TMED10: variants seen among roughly 807,000 people sequenced by gnomAD.
The protein encoded by TMED10 is transmembrane emp24 domain-containing protein 10.
Under a neutral mutation model 23.1 loss-of-function variants are expected in TMED10, and 7 were observed. That is an observed-to-expected ratio of 0.30 (90% CI 0.17 to 0.57). The LOEUF (loss-of-function observed/expected upper bound fraction) is 0.57. TMED10 is among the 20% of genes least tolerant of loss of function. The pLI is 0.91. For synonymous variants in TMED10, 113 were observed against 106.9 expected (o/e 1.06, Z -0.35); for missense variants, 162 against 274.8 (o/e 0.59, Z 2.90).
intron 3 of TMED10, among the ~76,000 whole-genome samples, chr14:75,138,439 C>A (rs1895780046): frequency 6.6e-6 from 1 of 152,188 alleles, no homozygotes; most frequent in African/African-American, 2.4e-5. Flanking sequence ...AGTTAATGCA[C>A]AGAGCTAACT....
intron 2 of TMED10, among the ~76,000 whole-genome samples, chr14:75,148,992 CT>C (rs1829641713): frequency 6.6e-6 from 1 of 152,234 alleles, no homozygotes; most frequent in African/African-American, 2.4e-5. Context: ...TCATGGCTCA[CT>C]GTAGCCTCGA....
intron 1 of TMED10, among the ~76,000 whole-genome samples, chr14:75,154,941 G>A (rs1896004071): frequency 6.7e-6 from 1 of 149,564 alleles, no homozygotes; most frequent in African/African-American, 2.5e-5. Context: ...GGGATTACAA[G>A]TGTAAGCCAT....
chr14:75,164,074 T>A (rs946734197), intron 1 of TMED10, among the ~76,000 whole-genome samples: 1 of 145,930 alleles, frequency 6.9e-6, no homozygotes, highest in Non-Finnish European at 1.5e-5. Flanking sequence ...ATTTTCTTCC[T>A]TTTTTTTTTG....
intron 3 of TMED10, 109 bp from the exon 4 acceptor site, chr14:75,135,995 C>T: frequency 6.9e-7 from 1 of 1,452,114 alleles, no homozygotes; most frequent in South Asian, 1.3e-5. Context: ...TTTAAATTCT[C>T]TCCTATCAAT....
At chr14:75,143,358 G>A (rs1895845998) in intron 3 of TMED10, among the ~76,000 whole-genome samples, 1 of 152,060 alleles carries the variant, frequency 6.6e-6, no homozygotes, top group Non-Finnish European at 1.5e-5. Flanking sequence ...TTATAATGAA[G>A]ATTTGAATCT....
chr14:75,163,310 T>C lies in TMED10; in HGVS notation c.226-11167A>G, dbSNP rs150569634. Among the ~76,000 whole-genome samples, 905 of 151,784 alleles carry C rather than the reference T, an allele frequency of 6.0e-3. 8 individuals carry two copies. The highest frequency in any genetic ancestry group is 0.021 in the African/African-American group (871 of 41,378). ...GCTCACGCCTGTAATCCCAGCACTTTGGGAGGTTGAGGCAGGCAGATCACT... is the reference window on the plus strand; with the variant it reads ...GCTCACGCCTGTAATCCCAGCACTTCGGGAGGTTGAGGCAGGCAGATCACT... On this transcript the variant is annotated intron_variant, in intron 1 of 4. Transcript: ENST00000303575.
intron 3 of TMED10, among the ~76,000 whole-genome samples, chr14:75,137,848 A>ACT (rs1895772360): frequency 7.9e-5 from 12 of 151,964 alleles, no homozygotes; most frequent in African/African-American, 2.9e-4. Flanking sequence ...AGCTGGGATT[A>ACT]CAGGTGTGTG....
intron 1 of TMED10, among the ~76,000 whole-genome samples, chr14:75,160,778 G>A (rs1370986210): frequency 1.3e-5 from 2 of 152,200 alleles, no homozygotes; most frequent in Admixed American, 6.5e-5. Flanking sequence ...GGGCACGGTG[G>A]CTCATGCCTG....
chr14:75,135,159 A>G (rs876402), intron 4 of TMED10, among the ~76,000 whole-genome samples, 153 bp from the exon 5 acceptor site: 69,656 of 152,046 alleles, frequency 0.46, 17,052 homozygotes, highest in East Asian at 0.84. Flanking sequence ...TTTTAAGTTC[A>G]TTATCCTGGC....
chr14:75,134,835 G>A lies in TMED10; in HGVS notation c.*50C>T, dbSNP rs981588768. 7 of 1,609,948 alleles carry A rather than the reference G, an allele frequency of 4.3e-6. No homozygotes were observed. Among genetic ancestry groups the A allele is most frequent in the East Asian group, 2.2e-5 (1 of 44,742 alleles). Reference sequence around the variant, plus strand: ...TGCCTTAGGCCAGGCACGTCCCAGCGATGTTCTGCTGGCTGAGGTACAAGG... The same window carrying A: ...TGCCTTAGGCCAGGCACGTCCCAGCAATGTTCTGCTGGCTGAGGTACAAGG... On this transcript the variant is annotated 3_prime_UTR_variant, in exon 5 of 5. Transcript: ENST00000303575.
intron 3 of TMED10, 169 bp downstream of exon 3, chr14:75,147,495 A>C: frequency 2.6e-6 from 2 of 761,072 alleles, no homozygotes; most frequent in East Asian, 4.9e-5. Context: ...CGCCCGGCTA[A>C]GGCTGTTAAT....
intron 1 of TMED10, among the ~76,000 whole-genome samples, chr14:75,153,838 C>T (rs1165762444): frequency 2.2e-5 from 3 of 137,214 alleles, no homozygotes; most frequent in East Asian, 2.5e-4. Flanking sequence ...GGCGTGATCT[C>T]GGCTCTCTGC....
rs780216936 is a variant in TMED10 at position 75,134,869 on chromosome 14, G to T, written c.*16C>A. ...CTGGCTGAGGTACAAGGTGGGAGGAGAATATGCCTCATTCATTACTCAATC... is the reference window on the plus strand; with the variant it reads ...CTGGCTGAGGTACAAGGTGGGAGGATAATATGCCTCATTCATTACTCAATC... On this transcript the variant is annotated 3_prime_UTR_variant, in exon 5 of 5. Coordinates refer to ENST00000303575, the MANE Select transcript of TMED10 (RefSeq NM_006827.6). The T allele has an allele frequency of 6.2e-7, 1 of 1,613,436 alleles. No individual in the cohort carries two copies. Among genetic ancestry groups the T allele is most frequent in the Admixed American group, 1.7e-5 (1 of 59,992 alleles).
chr14:75,158,649 G>A (rs1025392938), intron 1 of TMED10, among the ~76,000 whole-genome samples: 21 of 151,886 alleles, frequency 1.4e-4, no homozygotes, highest in Non-Finnish European at 2.6e-4. Context: ...AGAGGGCCGG[G>A]TGTGGTGGCT....
intron 3 of TMED10, chr14:75,136,692 TACA>T (rs1566668448): frequency 1.3e-5 from 2 of 152,240 alleles, no homozygotes; most frequent in African/African-American, 2.4e-5. Flanking sequence ...ATATAAATCC[TACA>T]ACAACTTTAA....
chr14:75,175,606 TGGGAGGG>T (rs1178054121), intron 1 of TMED10, among the ~76,000 whole-genome samples: 2 of 38,356 alleles, frequency 5.2e-5, no homozygotes, highest in African/African-American at 1.1e-4. Flanking sequence ...TGGGGGGAGG[TGGGAGGG>T]ATAGCATTAG....
intron 1 of TMED10, 37 bp downstream of exon 1, chr14:75,176,318 G>T: frequency 1.2e-6 from 2 of 1,610,936 alleles, no homozygotes; most frequent in Non-Finnish European, 1.7e-6. Flanking sequence ...TAAGCCTGCC[G>T]TCTTCCCTCC....
chr14:75,135,008 T>A lies in TMED10; in HGVS notation c.539-2A>T. The A allele has an allele frequency of 6.6e-7, 1 of 1,522,742 alleles. No individual in the cohort carries two copies. Among genetic ancestry groups the A allele is most frequent in the South Asian group, 1.2e-5 (1 of 85,722 alleles). 94.3% of individuals were successfully genotyped at this position (1,522,742 alleles called of 1,614,324 possible). ...ATAGGACCCGAGTGTTTGTTGACTC[T>A]AAAAAAAAACAAAAGCATTGTAAAC... On this transcript the variant is annotated splice_acceptor_variant, in intron 4 of 4. Transcript: ENST00000303575. LOFTEE classifies it high-confidence loss of function.
chr14:75,169,860 G>A (rs1896209654), intron 1 of TMED10, among the ~76,000 whole-genome samples: 1 of 152,142 alleles, frequency 6.6e-6, no homozygotes, highest in African/African-American at 2.4e-5. Flanking sequence ...AGGAGCTCTG[G>A]CACTTAGGAG....
Sources: allele counts gnomAD v4.1 joint callset (sites outside exome capture counted in the v4.1 genomes callset), GRCh38; gene constraint gnomAD v4.1.1; transcripts MANE v1.5; gene names NCBI Gene and HGNC (gene_info 2026-07-23, HGNC 2026-07-21).